The following CCNT1 variants were observed in gnomAD, a reference collection of about 807,000 sequenced individuals.
CCNT1 encodes cyclin T1, also known as cyclin-T1.
In CCNT1, 18 loss-of-function variants were observed where a neutral mutation model predicts 67.3. The ratio of observed to expected loss-of-function variants is 0.27; its 90% CI spans 0.18 to 0.40. The LOEUF (loss-of-function observed/expected upper bound fraction) is 0.40. Ranked by LOEUF, CCNT1 falls within the 10% of genes least tolerant of loss-of-function variation. The pLI is 1.00. For missense variants in CCNT1, 744 were observed against 884.9 expected (o/e 0.84, Z 2.02); for synonymous variants, 333 against 310.3 (o/e 1.07, Z -0.77).
chr12:48,705,607 A>G (rs896582703), intron 3 of CCNT1, 161 bp downstream of exon 3: 5 of 649,286 alleles, frequency 7.7e-6, no homozygotes, highest in African/African-American at 7.4e-5. Context: ...AAACACAAAC[A>G]CTAAAATATT....
Position 48,694,277 on chromosome 12 carries a change from G to A in CCNT1, c.937C>T (p.Leu313=). 1 of 1,614,202 alleles carries A rather than the reference G, an allele frequency of 6.2e-7. No homozygotes were observed. The highest frequency in any genetic ancestry group is 8.5e-7 in the Non-Finnish European group (1 of 1,180,040). Residue 313 remains leucine, a synonymous_variant, in exon 9 of 9, where the codon CTG becomes TTG. Coordinates refer to ENST00000261900, the MANE Select transcript of CCNT1 (RefSeq NM_001240.4). Reference sequence around the variant, plus strand: ...CTGGATGACTCTTCGGAGACTGGCAGGGAAGGCACTGCACTTGTGGTAGAA... The same window carrying A: ...CTGGATGACTCTTCGGAGACTGGCAAGGAAGGCACTGCACTTGTGGTAGAA... ...STSTTSAVPS[L]PVSEESSSNL...
intron 2 of CCNT1, among the ~76,000 whole-genome samples, chr12:48,706,338 G>T (rs918964809): frequency 6.6e-6 from 1 of 152,188 alleles, no homozygotes; most frequent in East Asian, 1.9e-4. Flanking sequence ...GTTTTCTGGG[G>T]TGATGTAAAT....
At chr12:48,705,736 TA>T (rs1289234392) in intron 3 of CCNT1, 31 bp downstream of exon 3, 7 of 1,575,518 alleles carry the variant, frequency 4.4e-6, no homozygotes, top group African/African-American at 4.1e-5. Context: ...GGAAAAAAAT[TA>T]AGAAAAACAG....
chr12:48,693,363 G>A lies in CCNT1; in HGVS notation c.1851C>T (p.Ser617=), dbSNP rs758094472. The A allele has an allele frequency of 6.2e-7, 1 of 1,614,248 alleles. No individual in the cohort carries two copies. Among genetic ancestry groups the A allele is most frequent in the Admixed American group, 1.7e-5 (1 of 60,028 alleles). Residue 617 remains serine (S), a synonymous_variant, in exon 9 of 9, where the codon AGC becomes AGT. Coordinates refer to ENST00000261900, the MANE Select transcript of CCNT1 (RefSeq NM_001240.4). Reference sequence around the variant, plus strand: ...AAAAGGAAAGGCCACTTGTGTCTGAGCTATGCCCAGGCATCTGACCCATTG... The same window carrying A: ...AAAAGGAAAGGCCACTTGTGTCTGAACTATGCCCAGGCATCTGACCCATTG... The part of the protein sequence containing the change: ...LPTMGQMPGH[S]SDTSGLSFSQ...
In CCNT1 at chr12:48,694,290, A is replaced by G. The variant is rs538696433; in HGVS notation, c.924T>C (p.Ser308=). The part of the protein sequence containing the change: ...GLMSMSTSTT[S]AVPSLPVSEE... ...CGGAGACTGGCAGGGAAGGCACTGC[A>G]CTTGTGGTAGAAGTTGACATGCTCA... The change falls in exon 9 of 9, where the codon AGT becomes AGC. Residue 308 remains serine (S), a synonymous_variant. Transcript: ENST00000261900. 274 of 1,614,228 alleles carry G rather than the reference A, an allele frequency of 1.7e-4. 1 individual carries two copies. In the South Asian group the frequency reaches 2.6e-3, roughly 15 times the overall value.
chr12:48,700,788 A>G (rs565352219), intron 4 of CCNT1, among the ~76,000 whole-genome samples: 1 of 152,338 alleles, frequency 6.6e-6, no homozygotes, highest in East Asian at 1.9e-4. Flanking sequence ...AGAATGAAAA[A>G]AATAATAACC....
At chr12:48,703,985 T>A (rs912085690) in intron 3 of CCNT1, among the ~76,000 whole-genome samples, 1 of 152,186 alleles carries the variant, frequency 6.6e-6, no homozygotes, top group African/African-American at 2.4e-5. Context: ...AGCTAGAAAT[T>A]ATCTAGACTT....
chr12:48,701,958 G>A (rs942785994), intron 3 of CCNT1, among the ~76,000 whole-genome samples: 1 of 148,222 alleles, frequency 6.7e-6, no homozygotes, highest in Non-Finnish European at 1.5e-5. Context: ...GTGCAGTGGC[G>A]CGACCTCGCC....
intron 2 of CCNT1, among the ~76,000 whole-genome samples, chr12:48,712,078 A>G (rs1370804129): frequency 6.6e-6 from 1 of 152,122 alleles, no homozygotes; most frequent in Non-Finnish European, 1.5e-5. Context: ...ACAGGCGTTG[A>G]GCCACGGCAC....
intron 2 of CCNT1, among the ~76,000 whole-genome samples, chr12:48,712,578 TTAAAAAAAAAAAAAAATAAA>T (rs1940468820): frequency 1.7e-5 from 1 of 60,268 alleles, no homozygotes. Context: ...AATCTTTTCC[TTAAAAAAAAAAAAAAATAAA>T]AAAAAAAAAA....
Position 48,693,091 on chromosome 12 carries a change from G to A in CCNT1, c.2123C>T (p.Pro708Leu). Residue 708 changes from proline to leucine, a missense_variant, in exon 9 of 9, where the codon CCC (proline) becomes CTC (leucine). Around this residue, in one of 3 missense-constraint regions of CCNT1, gnomAD observed 564 missense variants for 574.2 expected, o/e 0.98. Coordinates refer to ENST00000261900, the MANE Select transcript of CCNT1 (RefSeq NM_001240.4). Reference sequence around the variant, plus strand: ...TTCTGATGGCAGAGGTGGTGGCCGGGGTTTGTCTGTATTGCCAGATCTCGA... The same window carrying A: ...TTCTGATGGCAGAGGTGGTGGCCGGAGTTTGTCTGTATTGCCAGATCTCGA... ...ISSRSGNTDK[P>L]RPPPLPSEPP... 1 of 1,613,950 alleles carries A rather than the reference G, an allele frequency of 6.2e-7. No homozygotes were observed. Among genetic ancestry groups the A allele is most frequent in the Non-Finnish European group, 8.5e-7 (1 of 1,179,902 alleles).
At chr12:48,707,030 A>G (rs561299598) in intron 2 of CCNT1, among the ~76,000 whole-genome samples, 1 of 152,254 alleles carries the variant, frequency 6.6e-6, no homozygotes, top group African/African-American at 2.4e-5. Flanking sequence ...ATAGTGAGAG[A>G]GACTCCATCT....
intron 3 of CCNT1, among the ~76,000 whole-genome samples, chr12:48,701,814 C>T (rs1592121729): frequency 6.6e-6 from 1 of 151,962 alleles, no homozygotes; most frequent in East Asian, 1.9e-4. Flanking sequence ...CCATGTTGGT[C>T]AGGCTGGTCT....
chr12:48,712,595 TAAAAAAAAA>T (rs759919820), intron 2 of CCNT1, among the ~76,000 whole-genome samples: 2 of 33,362 alleles, frequency 6.0e-5, no homozygotes, highest in Non-Finnish European at 9.6e-5. Flanking sequence ...AAAAAAAAAA[TAAAAAAAAA>T]AAAAAAAAAA....
rs1204406116 is a variant in CCNT1 at position 48,693,455 on chromosome 12, G to T, written c.1759C>A (p.His587Asn). 2 of 1,614,220 alleles carry T rather than the reference G, an allele frequency of 1.2e-6. No homozygotes were observed. The highest frequency in any genetic ancestry group is 1.7e-5 in the Admixed American group (1 of 60,026). ...GTACTCTTGGCAATCTTGGCTGGAT[G>T]ATCAAACACAGCCCCTCCAGTCTCT... ...SEETGGAVFD[H>N]PAKIAKSTKS... The change falls in exon 9 of 9, where the codon CAT becomes AAT. Residue 587 changes from histidine (H) to asparagine (N), a missense_variant. His to Asn is a moderately conservative substitution (Grantham distance 68). Coordinates refer to ENST00000261900, the MANE Select transcript of CCNT1 (RefSeq NM_001240.4).
intron 2 of CCNT1, among the ~76,000 whole-genome samples, chr12:48,710,080 C>T (rs1454072746): frequency 2.6e-5 from 4 of 151,952 alleles, no homozygotes; most frequent in African/African-American, 2.4e-5. Flanking sequence ...TTAATAGAGA[C>T]GGGGTTTCAC....
chr12:48,701,217 CTTTTT>C (rs539754445), intron 3 of CCNT1, 144 bp from the exon 4 acceptor site: 862 of 92,866 alleles, frequency 9.3e-3, no homozygotes, highest in South Asian at 0.054. Flanking sequence ...GAAATACAAT[CTTTTT>C]TTTTTTTTTT....
chr12:48,703,919 C>T (rs978752100), intron 3 of CCNT1, among the ~76,000 whole-genome samples: 3 of 149,422 alleles, frequency 2.0e-5, no homozygotes, highest in Non-Finnish European at 4.4e-5. Context: ...GAATGAGACC[C>T]TGTCTCCAAA....
chr12:48,701,167 T>A (rs2137231843), intron 3 of CCNT1, 94 bp from the exon 4 acceptor site: 4 of 436,928 alleles, frequency 9.2e-6, no homozygotes, highest in Non-Finnish European at 1.7e-5. Flanking sequence ...ACCAAAACAA[T>A]AAAAGGCATG....
Sources: gnomAD v4.1 joint callset for allele counts (sites outside exome capture counted in the v4.1 genomes callset) on GRCh38, gnomAD v4.1.1 for gene constraint, gnomAD v4.1.1 regional missense constraint, MANE v1.5 for transcripts, NCBI Gene and HGNC (gene_info 2026-07-23, HGNC 2026-07-21) for gene names.